BLTP3B: variants seen among roughly 807,000 people sequenced by gnomAD.
The protein encoded by BLTP3B is UHRF1 (ICBP90) binding protein 1-like.
chr12:100,041,460 C>T, the BLTP3B span, among the ~76,000 whole-genome samples: 6 of 105,966 alleles, frequency 5.7e-5, no homozygotes, highest in African/African-American at 8.1e-5. Context: ...TTTTTTGAGA[C>T]GGAGTCTCAC....
the BLTP3B span, chr12:100,047,668 T>C: frequency 6.9e-7 from 1 of 1,456,512 alleles, no homozygotes; most frequent in African/African-American, 1.4e-5. Context: ...CATTGACATG[T>C]TACTTCATTC....
the BLTP3B span, among the ~76,000 whole-genome samples, chr12:100,092,458 G>A: frequency 6.6e-6 from 1 of 151,932 alleles, no homozygotes; most frequent in Non-Finnish European, 1.5e-5. Context: ...ACTACAACTA[G>A]GAAAAAGTAC....
chr12:100,108,893 G>C, the BLTP3B span, among the ~76,000 whole-genome samples: 8 of 152,158 alleles, frequency 5.3e-5, no homozygotes, highest in Non-Finnish European at 1.2e-4. Context: ...GAGTAGAAAT[G>C]ATGGTCACCA....
At chr12:100,059,370 A>C in the BLTP3B span, 3 of 1,613,994 alleles carry the variant, frequency 1.9e-6, no homozygotes, top group Non-Finnish European at 2.5e-6. Context: ...TGTTTTACTA[A>C]AAAAATCACA....
chr12:100,096,250 T>C, the BLTP3B span, among the ~76,000 whole-genome samples: 1 of 148,786 alleles, frequency 6.7e-6, no homozygotes, highest in Non-Finnish European at 1.5e-5. Flanking sequence ...AGAAACTCTG[T>C]CTCAAAAAAA....
At chr12:100,050,340 A>G in the BLTP3B span, 1 of 1,582,422 alleles carries the variant, frequency 6.3e-7, no homozygotes, top group Non-Finnish European at 8.6e-7. Flanking sequence ...TGCATAAATA[A>G]TATTAGTATG....
chr12:100,058,559 C>T, the BLTP3B span: 3 of 1,611,498 alleles, frequency 1.9e-6, no homozygotes, highest in Non-Finnish European at 8.5e-7. Flanking sequence ...TTTTTGAAGA[C>T]AAAAAATCCC....
At chr12:100,142,450 C>T in the BLTP3B span, 1 of 889,990 alleles carries the variant, frequency 1.1e-6, no homozygotes, top group East Asian at 3.2e-5. Flanking sequence ...GGGGCCGCGA[C>T]CTCTGCCCCG....
chr12:100,142,514 GC>G, the BLTP3B span: 1 of 1,505,154 alleles, frequency 6.6e-7, no homozygotes, highest in Non-Finnish European at 9.0e-7. Context: ...AGGCGCCGCC[GC>G]CCCCGAAGCC....
chr12:100,092,289 CATTCTGTGTG>C, the BLTP3B span, among the ~76,000 whole-genome samples: 56 of 152,298 alleles, frequency 3.7e-4, no homozygotes, highest in African/African-American at 1.3e-3. Context: ...CAGATTAGGA[CATTCTGTGTG>C]ATATCTGAAG....
the BLTP3B span, among the ~76,000 whole-genome samples, chr12:100,112,373 G>C: frequency 6.6e-6 from 1 of 152,106 alleles, no homozygotes; most frequent in Non-Finnish European, 1.5e-5. Flanking sequence ...CAGGCATAGT[G>C]GAACACTCCT....
the BLTP3B span, among the ~76,000 whole-genome samples, chr12:100,064,011 A>G: frequency 2.6e-5 from 4 of 152,244 alleles, no homozygotes; most frequent in Non-Finnish European, 5.9e-5. Context: ...AGAAAAAGGC[A>G]AAGCCCAATG....
At chr12:100,083,652 T>C in the BLTP3B span, among the ~76,000 whole-genome samples, 24 of 151,452 alleles carry the variant, frequency 1.6e-4, no homozygotes, top group Non-Finnish European at 4.4e-5. Context: ...TTTGTATACA[T>C]GTATCAAAAT....
the BLTP3B span, among the ~76,000 whole-genome samples, chr12:100,079,582 A>C: frequency 6.6e-6 from 1 of 152,226 alleles, no homozygotes; most frequent in Admixed American, 6.5e-5. Flanking sequence ...CAAGGAGAGT[A>C]TAAAAGTTCA....
the BLTP3B span, among the ~76,000 whole-genome samples, chr12:100,108,843 G>C: frequency 1.3e-5 from 2 of 152,114 alleles, no homozygotes; most frequent in South Asian, 4.1e-4. Context: ...GTTCATTTGT[G>C]GGAGCTAAAA....
the BLTP3B span, chr12:100,050,138 T>A: frequency 1.4e-6 from 2 of 1,446,430 alleles, no homozygotes; most frequent in Non-Finnish European, 1.8e-6. Flanking sequence ...AACCATTGTA[T>A]ATGAAAAATA....
At chr12:100,086,363 G>GGA in the BLTP3B span, 1 of 374,992 alleles carries the variant, frequency 2.7e-6, no homozygotes. Flanking sequence ...TTGACTCTGG[G>GGA]AAAAAAAAAG....
the BLTP3B span, chr12:100,108,582 T>C: frequency 1.3e-6 from 2 of 1,560,396 alleles, no homozygotes; most frequent in Non-Finnish European, 1.7e-6. Flanking sequence ...TTTATTTATG[T>C]GTCAGTTACT....
At chr12:100,071,706 G>GA in the BLTP3B span, among the ~76,000 whole-genome samples, 1 of 152,104 alleles carries the variant, frequency 6.6e-6, no homozygotes, top group Admixed American at 6.5e-5. Flanking sequence ...CAATATTTCT[G>GA]AAAATTGTAA....
Sources: gnomAD v4.1 joint callset for allele counts (sites outside exome capture counted in the v4.1 genomes callset) on GRCh38, gnomAD v4.1.1 for gene constraint, MANE v1.5 for transcripts, NCBI Gene and HGNC (gene_info 2026-07-23, HGNC 2026-07-21) for gene names.